TCF25: variants seen among roughly 807,000 people sequenced by gnomAD.
TCF25 encodes the protein TCF25 ribosome quality control complex subunit.
In TCF25, 41 loss-of-function variants were observed where a neutral mutation model predicts 83.1. The observed-to-expected ratio is 0.49, with a 90% CI of 0.38 to 0.64. TCF25 has a LOEUF of 0.64. Ranked by LOEUF, TCF25 falls within the 30% of genes least tolerant of loss-of-function variation. The pLI is 0.00. For synonymous variants in TCF25, 458 were observed against 365.0 expected (o/e 1.25, Z -2.90); for missense variants, 979 against 914.5 (o/e 1.07, Z -0.91).
At chr16:89,881,890 G>C (rs896423443) in intron 1 of TCF25, among the ~76,000 whole-genome samples, 11 of 152,160 alleles carry the variant, frequency 7.2e-5, no homozygotes, top group African/African-American at 2.4e-4. Flanking sequence ...GAGTAGCTGG[G>C]ATTACAGGCA....
At chr16:89,881,383 C>G (rs939492973) in intron 1 of TCF25, among the ~76,000 whole-genome samples, 1 of 152,060 alleles carries the variant, frequency 6.6e-6, no homozygotes, top group African/African-American at 2.4e-5. Flanking sequence ...CTTAGTGCAT[C>G]CGATTGGATC....
chr16:89,887,509 T>C, intron 4 of TCF25, 143 bp from the exon 5 acceptor site: 1 of 666,554 alleles, frequency 1.5e-6, no homozygotes, highest in East Asian at 3.8e-5. Context: ...GTTGGGGTGG[T>C]GATTTTAGAG....
In TCF25 at chr16:89,884,841, G is replaced by A. The variant is rs183025830; in HGVS notation, c.429+185G>A. On this transcript the variant is annotated intron_variant, in intron 3 of 17. Coordinates refer to ENST00000263346, the MANE Select transcript of TCF25 (RefSeq NM_014972.3). Reference sequence around the variant, plus strand: ...CTGACGCCCTCTCCCTCTGTCTGACGCCCTCCGTCTGCCTGACGCCCTCTC... The same window carrying A: ...CTGACGCCCTCTCCCTCTGTCTGACACCCTCCGTCTGCCTGACGCCCTCTC... Among the ~76,000 whole-genome samples, 85 of 72,380 alleles carry A rather than the reference G, an allele frequency of 1.2e-3. 2 individuals carry two copies. Among genetic ancestry groups the A allele is most frequent in the Non-Finnish European group, 1.6e-3 (71 of 44,478 alleles). The allele number at this position is 72,380 out of a possible 152,430, so 47.5% of individuals were successfully genotyped here. A position where few individuals can be genotyped will look rare whatever the true frequency, so the allele number is the denominator to read the frequency against.
intron 1 of TCF25, among the ~76,000 whole-genome samples, chr16:89,874,332 G>T (rs561245520): frequency 6.6e-6 from 1 of 151,112 alleles, no homozygotes; most frequent in Non-Finnish European, 1.5e-5. Flanking sequence ...GTGGCGAGGC[G>T]ATGGCGTGGG....
chr16:89,889,139 G>A, intron 5 of TCF25: 3 of 320,732 alleles, frequency 9.4e-6, no homozygotes, highest in South Asian at 5.1e-5. Flanking sequence ...TTATGTAGGA[G>A]GTATATTCCA....
At position 89,904,212 on chromosome 16, in the gene TCF25, AGTGGCTG is replaced by A. The variant is rs2044583486; in HGVS notation, c.1469+12_1469+18del. The A allele has an allele frequency of 1.9e-6, 3 of 1,560,690 alleles. No homozygotes were observed. The East Asian group carries it at 7.2e-5, about 38-fold the overall frequency. ...GACCCAATGCTGAAATAAGGTAAAG[AGTGGCTG>A]GTGGTGCCCATCTGTGGGTGCCTGT... is the stretch of plus-strand genomic sequence containing the variant. On this transcript the variant is annotated splice_region_variant and intron_variant, in intron 13 of 17. Transcript: ENST00000263346.
At chr16:89,893,965 T>G in intron 7 of TCF25, 107 bp downstream of exon 7, 1 of 1,479,352 alleles carries the variant, frequency 6.8e-7, no homozygotes, top group Non-Finnish European at 9.1e-7. Context: ...CCTCCTGCCC[T>G]TCCCAACAGG....
chr16:89,877,948 C>G (rs1484855121), intron 1 of TCF25, among the ~76,000 whole-genome samples: 1 of 152,154 alleles, frequency 6.6e-6, no homozygotes, highest in Non-Finnish European at 1.5e-5. Flanking sequence ...AATCTGAGCC[C>G]TTTTATCTAT....
intron 2 of TCF25, 151 bp downstream of exon 2, chr16:89,883,663 A>C: frequency 1.1e-6 from 1 of 874,536 alleles, no homozygotes; most frequent in South Asian, 1.8e-5. Flanking sequence ...TTACTTGGGA[A>C]CCTTGATGAG....
intron 5 of TCF25, among the ~76,000 whole-genome samples, chr16:89,888,775 C>G (rs1463905864): frequency 6.7e-6 from 1 of 148,226 alleles, no homozygotes; most frequent in Non-Finnish European, 1.5e-5. Flanking sequence ...CTCCTGGGTT[C>G]AGGCAATTCT....
chr16:89,881,607 C>T (rs2042614001), intron 1 of TCF25, among the ~76,000 whole-genome samples: 1 of 152,098 alleles, frequency 6.6e-6, no homozygotes, highest in African/African-American at 2.4e-5. Flanking sequence ...TGTGTGCCAC[C>T]ACACCCTGCT....
chr16:89,901,541 C>T (rs111541103), intron 12 of TCF25, among the ~76,000 whole-genome samples: 5,867 of 130,794 alleles, frequency 0.045, 447 homozygotes, highest in African/African-American at 0.15. Flanking sequence ...GTCAGGAGAT[C>T]GAGACCATCC....
At chr16:89,898,057 C>T (rs1397399143) in intron 9 of TCF25, among the ~76,000 whole-genome samples, 4 of 151,190 alleles carry the variant, frequency 2.6e-5, no homozygotes, top group Non-Finnish European at 2.9e-5. Context: ...TGAGCCGAGC[C>T]GAGATAGCGC....
At chr16:89,905,350 T>G (rs2044688710) in intron 14 of TCF25, among the ~76,000 whole-genome samples, 1 of 152,094 alleles carries the variant, frequency 6.6e-6, no homozygotes, top group Non-Finnish European at 1.5e-5. Flanking sequence ...GAGTGGTGCC[T>G]TCGGGTCTTG....
At position 89,911,148 on chromosome 16, in the gene TCF25, G is replaced by A; in HGVS notation, c.1941G>A (p.Leu647=). 1.2e-6 allele frequency: 2 copies of A among 1,612,160 alleles called. No individual in the cohort carries two copies. The highest frequency in any genetic ancestry group is 1.7e-6 in the Non-Finnish European group (2 of 1,179,976). ...ACCAGGGCCTGAACAGGCTGATGCT[G>A]GCTGTGCGCGACATGATGGCCAACT... is the stretch of plus-strand genomic sequence containing the variant. ...NRNQGLNRLM[L]AVRDMMANFH... The change falls in exon 18 of 18, where the codon CTG becomes CTA. Residue 647 remains leucine (L), a synonymous_variant. Coordinates refer to ENST00000263346, the MANE Select transcript of TCF25 (RefSeq NM_014972.3).
rs1358496539 is a variant in TCF25, at chr16:89,899,535, C to T, written c.1221+663C>T. ...TCACCTGAGGTCAGGAGTTTGATAC[C>T]AGCCTCAACATGGAGAAACCCTGTC... is the stretch of plus-strand genomic sequence containing the variant. On this transcript the variant is annotated intron_variant, in intron 11 of 17. Coordinates refer to ENST00000263346, the MANE Select transcript of TCF25 (RefSeq NM_014972.3). Among the ~76,000 whole-genome samples the T allele has an allele frequency of 3.3e-5, 5 of 152,132 alleles. No homozygotes were observed. The East Asian group carries it at 5.8e-4, about 18-fold the overall frequency.
chr16:89,883,480 G>A lies in TCF25; in HGVS notation c.322G>A (p.Gly108Arg), dbSNP rs753446271. ...QRGNTESKTDGDDTETVPSEQ... is the reference protein window; with the variant it reads ...QRGNTESKTDRDDTETVPSEQ... ...TGGAAACACAGAGAGCAAGACGGATGGAGATGACACCGAGACAGTGCCCTC... is the reference window on the plus strand; with the variant it reads ...TGGAAACACAGAGAGCAAGACGGATAGAGATGACACCGAGACAGTGCCCTC... Residue 108 changes from glycine (G) to arginine (R), a missense_variant, in exon 2 of 18, where the codon GGA becomes AGA. Coordinates refer to ENST00000263346, the MANE Select transcript of TCF25 (RefSeq NM_014972.3). 1 of 1,612,594 alleles carries A rather than the reference G, an allele frequency of 6.2e-7. No homozygotes were observed. The highest frequency in any genetic ancestry group is 1.3e-5 in the African/African-American group (1 of 74,860).
intron 5 of TCF25, among the ~76,000 whole-genome samples, chr16:89,891,541 C>CAG (rs1400787759): frequency 6.6e-6 from 1 of 152,168 alleles, no homozygotes; most frequent in East Asian, 1.9e-4. Flanking sequence ...TGTGCTCAGG[C>CAG]AGAGTGCCCT....
chr16:89,896,341 C>T, intron 9 of TCF25, among the ~76,000 whole-genome samples: 1 of 152,058 alleles, frequency 6.6e-6, no homozygotes, highest in East Asian at 1.9e-4. Flanking sequence ...CCCAGGAGTT[C>T]AAGTCCAGCC....
Sources: gnomAD v4.1 joint callset for allele counts (sites outside exome capture counted in the v4.1 genomes callset) on GRCh38, gnomAD v4.1.1 for gene constraint, MANE v1.5 for transcripts, NCBI Gene and HGNC (gene_info 2026-07-23, HGNC 2026-07-21) for gene names.